Variants in SLC2A13 observed in about 807,000 individuals in gnomAD.
SLC2A13 encodes solute carrier family 2 member 13.
SLC2A13 carries 32 observed loss-of-function variants against 64.4 expected under a neutral mutation model. The observed-to-expected ratio is 0.50, with a 90% CI of 0.37 to 0.67. SLC2A13 has a LOEUF of 0.67. Ranked by LOEUF, SLC2A13 falls within the 30% of genes least tolerant of loss-of-function variation. The pLI is 0.00. For synonymous variants in SLC2A13, 338 were observed against 327.1 expected (o/e 1.03, Z -0.36); for missense variants, 743 against 829.2 (o/e 0.90, Z 1.28).
intron 6 of SLC2A13, among the ~76,000 whole-genome samples, chr12:39,864,263 T>C (rs1432820147): frequency 1.3e-5 from 2 of 152,216 alleles, no homozygotes; most frequent in African/African-American, 4.8e-5. Flanking sequence ...ACTTTTTACT[T>C]CCTGATCCTC....
At chr12:39,870,156 A>G (rs1944007209) in intron 5 of SLC2A13, among the ~76,000 whole-genome samples, 1 of 152,210 alleles carries the variant, frequency 6.6e-6, no homozygotes. Context: ...CCCAGATCTC[A>G]AAGGCCAAAT....
Position 39,932,138 on chromosome 12 carries a change from T to C in SLC2A13, c.1034+19119A>G, listed in dbSNP as rs151197594. Among the ~76,000 whole-genome samples, 480 of 152,292 alleles carry C rather than the reference T, an allele frequency of 3.2e-3. 5 individuals are homozygous for C. The highest frequency in any genetic ancestry group is 0.011 in the African/African-American group (443 of 41,572). On this transcript the variant is annotated intron_variant, in intron 4 of 9. Transcript: ENST00000280871. ...CTTTCAGTTTGGTGTTTTAATGGAATAAGTAGTATACAGGGTGATTTTGAT... is the reference window on the plus strand; with the variant it reads ...CTTTCAGTTTGGTGTTTTAATGGAACAAGTAGTATACAGGGTGATTTTGAT...
intron 7 of SLC2A13, among the ~76,000 whole-genome samples, chr12:39,806,026 T>C (rs1300013518): frequency 6.6e-6 from 1 of 152,228 alleles, no homozygotes; most frequent in East Asian, 1.9e-4. Flanking sequence ...CTGATATTGA[T>C]TGCTACCAGA....
chr12:39,946,640 G>A (rs539167311), intron 4 of SLC2A13, among the ~76,000 whole-genome samples: 89 of 152,228 alleles, frequency 5.8e-4, no homozygotes, highest in African/African-American at 2.1e-3. Flanking sequence ...CAGGGAAGTG[G>A]GTGAAAGCTG....
At chr12:40,106,064 TGGCGCTGCGGAGCGGGCGGGAGGC>T (rs1939303470) in exon 1 of SLC2A13, 1 of 338,800 alleles carries the variant, frequency 3.0e-6, no homozygotes, top group Non-Finnish European at 5.2e-6. Flanking sequence ...CCTGCCGAGC[TGGCGCTGCGGAGCGGGCGGGAGGC>T]GGGACCGCGG....
intron 3 of SLC2A13, among the ~76,000 whole-genome samples, chr12:40,012,920 T>C (rs1350631255): frequency 6.6e-6 from 1 of 152,164 alleles, no homozygotes; most frequent in Non-Finnish European, 1.5e-5. Context: ...AAATTTTCGC[T>C]AGGGAATGTT....
At chr12:40,101,949 A>AC (rs1939163861) in intron 1 of SLC2A13, among the ~76,000 whole-genome samples, 1 of 54 alleles carries the variant, frequency 0.019, no homozygotes, top group Non-Finnish European at 0.042. Context: ...TGTGTAAAGT[A>AC]CTCCACCAGG....
chr12:40,037,130 T>C (rs1336929715), intron 2 of SLC2A13, among the ~76,000 whole-genome samples: 1 of 152,214 alleles, frequency 6.6e-6, no homozygotes, highest in Non-Finnish European at 1.5e-5. Flanking sequence ...TCAGTTTTAT[T>C]AATTTTTTGT....
chr12:39,797,727 A>AACACAC (rs1555237479), intron 7 of SLC2A13, among the ~76,000 whole-genome samples: 4 of 84,054 alleles, frequency 4.8e-5, no homozygotes, highest in South Asian at 5.0e-4. Flanking sequence ...AGTTATGGTA[A>AACACAC]ACACACACAC....
intron 3 of SLC2A13, among the ~76,000 whole-genome samples, chr12:40,016,188 C>T (rs1047894862): frequency 2.6e-5 from 4 of 151,986 alleles, no homozygotes; most frequent in Non-Finnish European, 5.9e-5. Flanking sequence ...AAACATACTA[C>T]ACCACCCCCC....
chr12:39,761,675 G>A (rs966153835), intron 9 of SLC2A13, among the ~76,000 whole-genome samples: 6 of 151,934 alleles, frequency 3.9e-5, no homozygotes, highest in African/African-American at 1.4e-4. Flanking sequence ...TCTGAGTACA[G>A]ATATGCAAGA....
intron 1 of SLC2A13, among the ~76,000 whole-genome samples, chr12:40,071,834 G>A (rs1019408522): frequency 2.6e-5 from 4 of 151,950 alleles, no homozygotes; most frequent in Non-Finnish European, 5.9e-5. Context: ...TTCTTAGCCT[G>A]ACTAAAGCTC....
intron 4 of SLC2A13, among the ~76,000 whole-genome samples, chr12:39,902,302 G>C (rs999069540): frequency 6.6e-6 from 1 of 151,334 alleles, no homozygotes; most frequent in Non-Finnish European, 1.5e-5. Flanking sequence ...TAACTAACCT[G>C]CACATTGTGC....
chr12:39,788,344 TA>T (rs919530432), intron 7 of SLC2A13, among the ~76,000 whole-genome samples: 4 of 152,136 alleles, frequency 2.6e-5, no homozygotes, highest in Non-Finnish European at 4.4e-5. Flanking sequence ...AAGTAACAAA[TA>T]AGGGTTACTT....
At chr12:39,926,796 G>A (rs1195817474) in intron 4 of SLC2A13, among the ~76,000 whole-genome samples, 1 of 151,946 alleles carries the variant, frequency 6.6e-6, no homozygotes, top group Non-Finnish European at 1.5e-5. Flanking sequence ...TTTAATTTTT[G>A]TAGAGACAGG....
chr12:39,785,087 T>C (rs1485069917), intron 7 of SLC2A13, among the ~76,000 whole-genome samples: 1 of 152,172 alleles, frequency 6.6e-6, no homozygotes, highest in Non-Finnish European at 1.5e-5. Context: ...CTGCAGAAAT[T>C]TGCATAAGTA....
intron 1 of SLC2A13, among the ~76,000 whole-genome samples, chr12:40,096,513 CAAAAAA>C (rs935086659): frequency 2.0e-5 from 3 of 150,764 alleles, no homozygotes; most frequent in African/African-American, 7.3e-5. Flanking sequence ...AGAAAAAAAA[CAAAAAA>C]AATTAGAGAC....
chr12:40,053,986 A>G (rs148243319), intron 1 of SLC2A13, among the ~76,000 whole-genome samples: 243 of 152,326 alleles, frequency 1.6e-3, no homozygotes, highest in African/African-American at 5.7e-3. Context: ...AACAAAGCTC[A>G]TTATTCTACT....
intron 6 of SLC2A13, among the ~76,000 whole-genome samples, chr12:39,832,308 A>C (rs1163299860): frequency 6.6e-6 from 1 of 152,176 alleles, no homozygotes; most frequent in Non-Finnish European, 1.5e-5. Flanking sequence ...ATTTAACAAT[A>C]CTAATTGTTC....
Sources: gnomAD v4.1 joint callset for allele counts (sites outside exome capture counted in the v4.1 genomes callset) on GRCh38, gnomAD v4.1.1 for gene constraint, MANE v1.5 for transcripts, NCBI Gene and HGNC (gene_info 2026-07-23, HGNC 2026-07-21) for gene names.